The following WDR49 variants were observed in gnomAD, a reference collection of about 807,000 sequenced individuals.
WDR49 encodes WD repeat domain 49.
In WDR49, 107 loss-of-function variants were observed where a neutral mutation model predicts 119.5. The observed-to-expected ratio is 0.90, with a 90% CI of 0.77 to 1.05. The LOEUF (loss-of-function observed/expected upper bound fraction) is 1.05, where lower values mean the gene tolerates loss of function less well. Among genes scored for constraint, WDR49 ranks in the 50% least tolerant of loss-of-function variants. WDR49 has a pLI of 0.00. For missense variants in WDR49, 1,240 were observed against 1,220.5 expected (o/e 1.02, Z -0.24); for synonymous variants, 425 against 418.8 (o/e 1.01, Z -0.18).
chr3:167,651,924 G>A (rs1367066481), intron 2 of WDR49, among the ~76,000 whole-genome samples: 2 of 152,150 alleles, frequency 1.3e-5, no homozygotes, highest in African/African-American at 4.8e-5. Context: ...ATAGGCCCTA[G>A]CATTCAAATT....
intron 7 of WDR49, among the ~76,000 whole-genome samples, chr3:167,578,574 AT>A (rs1364005757): frequency 2.0e-5 from 3 of 151,976 alleles, no homozygotes; most frequent in Non-Finnish European, 2.9e-5. Context: ...TAGCATGTTA[AT>A]TTTTTTAGTC....
chr3:167,502,546 T>C (rs1281252411), intron 17 of WDR49, among the ~76,000 whole-genome samples: 5 of 152,164 alleles, frequency 3.3e-5, no homozygotes, highest in Non-Finnish European at 5.9e-5. Context: ...GATAGTGATG[T>C]GGACAGTGAA....
intron 10 of WDR49, among the ~76,000 whole-genome samples, chr3:167,541,014 T>C (rs1577227394): frequency 6.6e-6 from 1 of 151,610 alleles, no homozygotes. Flanking sequence ...AAATAATTTC[T>C]AAAAAAAATG....
At chr3:167,596,677 A>G (rs1715464882) in intron 7 of WDR49, among the ~76,000 whole-genome samples, 2 of 132,776 alleles carry the variant, frequency 1.5e-5, no homozygotes, top group Admixed American at 8.4e-5. Flanking sequence ...CAATGAGAAC[A>G]CATGGACACA....
At chr3:167,580,005 G>C (rs898951880) in intron 7 of WDR49, among the ~76,000 whole-genome samples, 7 of 151,958 alleles carry the variant, frequency 4.6e-5, no homozygotes, top group Non-Finnish European at 8.8e-5. Context: ...ATTTTTCATT[G>C]TGTTAAGTAA....
At chr3:167,514,443 C>T (rs962550745) in intron 16 of WDR49, among the ~76,000 whole-genome samples, 5 of 152,194 alleles carry the variant, frequency 3.3e-5, no homozygotes, top group African/African-American at 1.2e-4. Context: ...ATCCCTGGGA[C>T]ACAGCTAATG....
chr3:167,575,977 T>G lies in WDR49; in HGVS notation c.1450A>C (p.Arg484=), dbSNP rs1157341432. 1 of 1,614,196 alleles carries G rather than the reference T, an allele frequency of 6.2e-7. No individual in the cohort carries two copies. Among genetic ancestry groups the G allele is most frequent in the East Asian group, 2.2e-5 (1 of 44,868 alleles). Residue 484 remains arginine (R), a synonymous_variant, in exon 8 of 19, where the codon AGG becomes CGG. Coordinates refer to ENST00000682715, the MANE Select transcript of WDR49 (RefSeq NM_001366157.1). ...ACTGCTTTCTCATGGCTTTTCACCC[T>G]CTTGCTGGCTTCACTTTTCATTGCC... ...LLAMKSEASK[R]VKSHEKAVTC...
intron 18 of WDR49, among the ~76,000 whole-genome samples, chr3:167,496,051 A>G (rs1304386657): frequency 6.6e-6 from 1 of 152,136 alleles, no homozygotes; most frequent in Non-Finnish European, 1.5e-5. Flanking sequence ...ATTCTGTAGA[A>G]AATTCTTCAG....
intron 16 of WDR49, among the ~76,000 whole-genome samples, chr3:167,519,020 A>C (rs1752324385): frequency 1.3e-5 from 2 of 152,106 alleles, no homozygotes; most frequent in African/African-American, 4.8e-5. Context: ...AAACAAATGA[A>C]AAAAGGCTCA....
At position 167,626,913 on chromosome 3, in the gene WDR49, T is replaced by C; in HGVS notation, c.545A>G (p.Asp182Gly). Residue 182 changes from aspartate to glycine, a missense_variant, in exon 3 of 19, where the codon GAT becomes GGT. Transcript: ENST00000682715. ...CCACAGGTGTTTGAGCTTGGTGGCA[T>C]CTGAAGTGATGGGGAATGTTTCTTG... The part of the protein sequence containing the change: ...KLQETFPITS[D>G]ATKLKHLWVT... The C allele has an allele frequency of 7.8e-7, 1 of 1,284,796 alleles. No homozygotes were observed. The highest frequency in any genetic ancestry group is 3.0e-5 in the South Asian group (1 of 32,934). 79.6% of individuals were successfully genotyped at this position (1,284,796 alleles called of 1,614,324 possible). A position where few individuals can be genotyped will look rare whatever the true frequency, so the allele number is the denominator to read the frequency against.
chr3:167,495,412 C>T (rs530318705), intron 18 of WDR49, among the ~76,000 whole-genome samples: 1 of 151,976 alleles, frequency 6.6e-6, no homozygotes, highest in Admixed American at 6.6e-5. Flanking sequence ...AAACTGGGAA[C>T]TGATTAGATG....
chr3:167,543,022 C>A (rs555188661), intron 10 of WDR49, among the ~76,000 whole-genome samples: 6 of 152,046 alleles, frequency 3.9e-5, no homozygotes, highest in Non-Finnish European at 8.8e-5. Flanking sequence ...CACCTTTATG[C>A]ATACAAACTG....
intron 7 of WDR49, among the ~76,000 whole-genome samples, chr3:167,583,367 G>T (rs1224062234): frequency 1.3e-5 from 2 of 151,910 alleles, no homozygotes; most frequent in Non-Finnish European, 2.9e-5. Context: ...TTTGTAAGGG[G>T]TCTTCCTGCT....
At chr3:167,608,920 T>TA (rs1254287415) in intron 5 of WDR49, among the ~76,000 whole-genome samples, 1 of 152,116 alleles carries the variant, frequency 6.6e-6, no homozygotes, top group Non-Finnish European at 1.5e-5. Context: ...CACACAGTCA[T>TA]AAAAAAAGAC....
chr3:167,539,107 T>C (rs1032602827), intron 10 of WDR49, among the ~76,000 whole-genome samples: 1 of 152,170 alleles, frequency 6.6e-6, no homozygotes, highest in Non-Finnish European at 1.5e-5. Flanking sequence ...TAAGTGTTAA[T>C]TTTGCTCAAA....
At chr3:167,495,698 T>A (rs4955586) in intron 18 of WDR49, among the ~76,000 whole-genome samples, 1 of 151,042 alleles carries the variant, frequency 6.6e-6, no homozygotes. Flanking sequence ...TTCTATGAAC[T>A]CCAAGTAGCA....
At chr3:167,575,311 G>A (rs1714189723) in intron 8 of WDR49, 2 of 986,060 alleles carry the variant, frequency 2.0e-6, no homozygotes, top group Non-Finnish European at 2.4e-6. Context: ...CAGTAACTCT[G>A]CTCCAGGGGA....
chr3:167,587,929 C>T (rs1190143255), intron 7 of WDR49, among the ~76,000 whole-genome samples: 1 of 152,154 alleles, frequency 6.6e-6, no homozygotes, highest in Non-Finnish European at 1.5e-5. Flanking sequence ...TCACCTCAAG[C>T]ATTTATCCTG....
At position 167,560,220 on chromosome 3, in the gene WDR49, G is replaced by GATTAC; in HGVS notation, c.1517_1518insGTAAT (p.Ser506ArgfsTer2). 1 of 1,611,914 alleles carries GATTAC rather than the reference G, an allele frequency of 6.2e-7. No homozygotes were observed. Among genetic ancestry groups the GATTAC allele is most frequent in the Non-Finnish European group, 8.5e-7 (1 of 1,179,390 alleles). On this transcript the variant is annotated stop_gained and frameshift_variant, in exon 9 of 19. Transcript: ENST00000682715. LOFTEE classifies it high-confidence loss of function. The stretch of plus-strand genomic sequence containing the variant: ...AGGAAACAGTAGACCCTGTATCAGA[G>GATTAC]CTGATTACCTAAGAGAAAATAACAT...
Sources: allele counts gnomAD v4.1 joint callset (sites outside exome capture counted in the v4.1 genomes callset), GRCh38; gene constraint gnomAD v4.1.1; transcripts MANE v1.5; gene names NCBI Gene and HGNC (gene_info 2026-07-23, HGNC 2026-07-21).